CUX1: variants seen among roughly 807,000 people sequenced by gnomAD.
CUX1 encodes protein CASP.
A neutral mutation model predicts 158.8 loss-of-function variants in CUX1; 31 were observed. The observed-to-expected ratio is 0.20, with a 90% confidence interval of 0.15 to 0.26. CUX1 has a LOEUF of 0.26. Among genes scored for constraint, CUX1 ranks in the 10% least tolerant of loss-of-function variants. The pLI, the probability that CUX1 is intolerant of heterozygous loss-of-function variation, is 1.00. For missense variants in CUX1, 1,589 were observed against 2,014.6 expected (o/e 0.79, Z 4.04); for synonymous variants, 879 against 862.1 (o/e 1.02, Z -0.34).
intron 1 of CUX1, among the ~76,000 whole-genome samples, chr7:101,890,098 G>T (rs2131633080): frequency 6.6e-6 from 1 of 152,276 alleles, no homozygotes; most frequent in Non-Finnish European, 1.5e-5. Flanking sequence ...GGAGGAAGAG[G>T]GTGCGAGGAA....
At chr7:101,832,827 G>C (rs951417598) in intron 1 of CUX1, among the ~76,000 whole-genome samples, 1 of 152,130 alleles carries the variant, frequency 6.6e-6, no homozygotes, top group Non-Finnish European at 1.5e-5. Context: ...CTGCACAGGG[G>C]GTCAGCTGGC....
rs1554542085 is a variant in CUX1, at chr7:102,256,488, C to T, written c.*7446C>T. 1 of 985,422 alleles carries T rather than the reference C, an allele frequency of 1.0e-6. No individual in the cohort carries two copies. Among genetic ancestry groups the T allele is most frequent in the Non-Finnish European group, 1.2e-6 (1 of 829,942 alleles). 61.0% of individuals were successfully genotyped at this position (985,422 alleles called of 1,614,324 possible). A position where few individuals can be genotyped will look rare whatever the true frequency, so the allele number is the denominator to read the frequency against. ...CCCCTACTCCCCCAGAGAACCAAGG[C>T]GTCTGGGGGATTGACTGGGGGGCAG... On this transcript the variant is annotated 3_prime_UTR_variant, in exon 24 of 24. Transcript: ENST00000292535.
intron 2 of CUX1, among the ~76,000 whole-genome samples, chr7:101,967,781 C>G (rs1261302266): frequency 6.6e-6 from 1 of 152,212 alleles, no homozygotes; most frequent in African/African-American, 2.4e-5. Context: ...CTCCCCATGT[C>G]TGTGTCCTCA....
At position 102,255,014 on chromosome 7, in the gene CUX1, A is replaced by C. The variant is rs1468799807; in HGVS notation, c.*5972A>C. 2 of 985,394 alleles carry C rather than the reference A, an allele frequency of 2.0e-6. No individual in the cohort carries two copies. Among genetic ancestry groups the C allele is most frequent in the Non-Finnish European group, 2.4e-6 (2 of 830,010 alleles). The allele number at this position is 985,394 out of a possible 1,614,324, so 61.0% of individuals were successfully genotyped here. The stretch of plus-strand genomic sequence containing the variant: ...AGTCCACCAACCCTTGGGCTTAATC[A>C]GGACGGAAGAGGAGGGGGTGTGGGG... On this transcript the variant is annotated 3_prime_UTR_variant, in exon 24 of 24. Transcript: ENST00000292535.
At chr7:101,866,155 A>G (rs182248739) in intron 1 of CUX1, among the ~76,000 whole-genome samples, 207 of 151,650 alleles carry the variant, frequency 1.4e-3, no homozygotes, top group African/African-American at 4.3e-3. Flanking sequence ...TGAGACCCCA[A>G]TCTCTACTAA....
At chr7:102,239,254 G>A in intron 22 of CUX1, 66 bp from the exon 23 acceptor site, 1 of 1,533,606 alleles carries the variant, frequency 6.5e-7, no homozygotes, top group East Asian at 2.3e-5. Context: ...CCCGCTAGCG[G>A]GACTGGGGAT....
intron 2 of CUX1, among the ~76,000 whole-genome samples, chr7:102,007,729 G>GT (rs1325960054): frequency 4.0e-5 from 6 of 150,482 alleles, no homozygotes; most frequent in African/African-American, 7.3e-5. Context: ...CACCTCTGGT[G>GT]TTTTTTTTGT....
intron 2 of CUX1, among the ~76,000 whole-genome samples, chr7:102,010,204 G>GAGGT (rs1817832613): frequency 2.0e-5 from 3 of 151,898 alleles, no homozygotes; most frequent in Non-Finnish European, 4.4e-5. Context: ...GACCAGCCTG[G>GAGGT]CCAACATGGT....
At chr7:101,929,593 T>C (rs942598873) in intron 2 of CUX1, among the ~76,000 whole-genome samples, 2 of 152,216 alleles carry the variant, frequency 1.3e-5, no homozygotes, top group Non-Finnish European at 2.9e-5. Flanking sequence ...CCATATGATT[T>C]GGTTGAAATC....
At chr7:101,994,640 C>T (rs1815588815) in intron 2 of CUX1, among the ~76,000 whole-genome samples, 2 of 152,116 alleles carry the variant, frequency 1.3e-5, no homozygotes, top group South Asian at 4.1e-4. Context: ...GCTCCCTTCC[C>T]AGATCCGTGC....
chr7:102,246,382 G>A (rs1290514991), intron 23 of CUX1, among the ~76,000 whole-genome samples: 1 of 152,112 alleles, frequency 6.6e-6, no homozygotes, highest in African/African-American at 2.4e-5. Context: ...CTGAACCAGA[G>A]CTCACAAATC....
At chr7:101,887,794 T>C (rs186625624) in intron 1 of CUX1, among the ~76,000 whole-genome samples, 1 of 151,420 alleles carries the variant, frequency 6.6e-6, no homozygotes, top group Non-Finnish European at 1.5e-5. Context: ...TTTAGGACCA[T>C]TGGACTGAAA....
At chr7:102,146,026 C>G (rs1834987205) in intron 8 of CUX1, among the ~76,000 whole-genome samples, 1 of 152,154 alleles carries the variant, frequency 6.6e-6, no homozygotes, top group Non-Finnish European at 1.5e-5. Context: ...CAGCCACACT[C>G]TTTTCTGTAG....
chr7:102,069,663 G>A (rs1303620668), intron 3 of CUX1, among the ~76,000 whole-genome samples: 17 of 152,170 alleles, frequency 1.1e-4, no homozygotes, highest in Admixed American at 8.5e-4. Flanking sequence ...GGCAAGAATC[G>A]CTTGAACCTG....
At chr7:102,191,368 G>A (rs888575121) in intron 12 of CUX1, among the ~76,000 whole-genome samples, 1 of 152,152 alleles carries the variant, frequency 6.6e-6, no homozygotes, top group Non-Finnish European at 1.5e-5. Flanking sequence ...CAAGTAGCTG[G>A]GATTACGGGC....
chr7:102,010,172 T>A (rs1817829100), intron 2 of CUX1, among the ~76,000 whole-genome samples: 1 of 151,996 alleles, frequency 6.6e-6, no homozygotes, highest in African/African-American at 2.4e-5. Context: ...GGTGGGCAGA[T>A]CACCTGAGGT....
intron 20 of CUX1, among the ~76,000 whole-genome samples, chr7:102,223,852 C>A (rs1253861746): frequency 6.6e-6 from 1 of 152,058 alleles, no homozygotes; most frequent in Admixed American, 6.5e-5. Flanking sequence ...ACCTGTAATC[C>A]CAGCTACTCG....
intron 2 of CUX1, among the ~76,000 whole-genome samples, chr7:101,921,672 G>A (rs1402598353): frequency 6.6e-6 from 1 of 152,090 alleles, no homozygotes. Flanking sequence ...ATGTTGGCCA[G>A]GCTGGTCTTG....
intron 2 of CUX1, among the ~76,000 whole-genome samples, chr7:102,003,203 G>A (rs1816904782): frequency 2.0e-5 from 3 of 151,726 alleles, no homozygotes; most frequent in African/African-American, 7.3e-5. Context: ...TCGGCCCAGA[G>A]GGACTCTCTA....
Sources: gnomAD v4.1 joint callset for allele counts (sites outside exome capture counted in the v4.1 genomes callset) on GRCh38, gnomAD v4.1.1 for gene constraint, MANE v1.5 for transcripts, NCBI Gene and HGNC (gene_info 2026-07-23, HGNC 2026-07-21) for gene names.